HSPB9: variants seen among roughly 807,000 people sequenced by gnomAD.
The protein encoded by HSPB9 is heat shock protein family B (small) member 9.
For synonymous variants in HSPB9, 98 were observed against 92.7 expected, an observed-to-expected ratio of 1.06 and a Z score of -0.33; for missense variants, 203 against 213.4, an observed-to-expected ratio of 0.95 and a Z score of 0.30.
Position 42,122,890 on chromosome 17 carries a change from G to C in HSPB9, c.40G>C (p.Val14Leu), listed in dbSNP as rs1286159400. 6.2e-7 allele frequency: 1 copy of C among 1,612,986 alleles called. No individual in the cohort carries two copies. The highest frequency in any genetic ancestry group is 8.5e-7 in the Non-Finnish European group (1 of 1,179,398). ...TAACACCTTCTCCAACGAGAGCCGG[G>C]TGGCATCCCGGTGTCCCAGCGTGGG... is the stretch of plus-strand genomic sequence containing the variant. ...VGNTFSNESR[V>L]ASRCPSVGLA... Residue 14 changes from valine (V) to leucine (L), a missense_variant, in exon 1 of 1, where the codon GTG becomes CTG. By Grantham distance (32) the Val-to-Leu change is conservative. Coordinates refer to ENST00000565659, the MANE Select transcript of HSPB9 (RefSeq NM_033194.3).
chr17:42,123,123 A>G lies in HSPB9; in HGVS notation c.273A>G (p.Glu91=). Residue 91 remains glutamate (E), a synonymous_variant, in exon 1 of 1, where the codon GAA becomes GAG. Transcript: ENST00000565659. The part of the protein sequence containing the change: ...GQQQLDVRDP[E]RVSYRMSQKV... ...AGCAACTGGACGTCAGGGACCCGGA[A>G]AGGGTCAGTTACCGCATGTCACAGA... 6.2e-7 allele frequency: 1 copy of G among 1,614,158 alleles called. No individual in the cohort carries two copies. The highest frequency in any genetic ancestry group is 8.5e-7 in the Non-Finnish European group (1 of 1,180,014).
rs374237777 is a variant in HSPB9 at position 42,123,347 on chromosome 17, G to C, written c.*17G>C. ...ACCCGGTAAACAAACGACGCGATGT[G>C]CAGCAGCCTTGGTGTCCGTTGTCTT... On this transcript the variant is annotated 3_prime_UTR_variant, in exon 1 of 1. Transcript: ENST00000565659. The C allele has an allele frequency of 2.4e-5, 39 of 1,593,562 alleles. No individual in the cohort carries two copies. The African/African-American group carries it at 4.8e-4, about 20-fold the overall frequency.
chr17:42,122,901 G>C lies in HSPB9; in HGVS notation c.51G>C (p.Arg17=). Residue 17 remains arginine, a synonymous_variant, in exon 1 of 1, where the codon CGG becomes CGC. Coordinates refer to ENST00000565659, the MANE Select transcript of HSPB9 (RefSeq NM_033194.3). ...TFSNESRVAS[R]CPSVGLAERN... is the part of the protein sequence containing the mutation. Reference sequence around the variant, plus strand: ...CCAACGAGAGCCGGGTGGCATCCCGGTGTCCCAGCGTGGGCCTTGCTGAAC... The same window carrying C: ...CCAACGAGAGCCGGGTGGCATCCCGCTGTCCCAGCGTGGGCCTTGCTGAAC... 1.2e-6 allele frequency: 2 copies of C among 1,613,534 alleles called. No individual in the cohort carries two copies. Among genetic ancestry groups the C allele is most frequent in the Non-Finnish European group, 1.7e-6 (2 of 1,179,672 alleles).
Position 42,123,158 on chromosome 17 carries a change from G to A in HSPB9, c.308G>A (p.Arg103Gln), listed in dbSNP as rs1568015441. The A allele has an allele frequency of 1.2e-6, 2 of 1,614,150 alleles. No individual in the cohort carries two copies. The highest frequency in any genetic ancestry group is 1.7e-5 in the Admixed American group (1 of 60,022). Residue 103 changes from arginine to glutamine, a missense_variant, in exon 1 of 1, where the codon CGG (arginine) becomes CAG (glutamine). By Grantham distance (43) the Arg-to-Gln change is conservative. Coordinates refer to ENST00000565659, the MANE Select transcript of HSPB9 (RefSeq NM_033194.3). ...VSYRMSQKVHRKMLPSNLSPT... is the reference protein window; with the variant it reads ...VSYRMSQKVHQKMLPSNLSPT... ...TACCGCATGTCACAGAAGGTGCACC[G>A]GAAAATGCTCCCGTCCAACCTGAGT...
At position 42,123,302 on chromosome 17, in the gene HSPB9, G is replaced by T; in HGVS notation, c.452G>T (p.Gly151Val). 1.2e-6 allele frequency: 2 copies of T among 1,608,636 alleles called. No homozygotes were observed. Among genetic ancestry groups the T allele is most frequent in the Non-Finnish European group, 1.7e-6 (2 of 1,179,080 alleles). The change falls in exon 1 of 1, where the codon GGC becomes GTC. Residue 151 changes from glycine (G) to valine (V), a missense_variant. Transcript: ENST00000565659. ...CCGTCCCCGAGACTCGGGAGCCTCG[G>T]CTCTAAGGCTTCCAACCTGACCCGG... ...TGPSPRLGSLGSKASNLTR is the reference protein window; with the variant it reads ...TGPSPRLGSLVSKASNLTR
Position 42,122,909 on chromosome 17 carries a change from G to A in HSPB9, c.59G>A (p.Ser20Asn). The A allele has an allele frequency of 6.2e-7, 1 of 1,614,008 alleles. No individual in the cohort carries two copies. The highest frequency in any genetic ancestry group is 2.2e-5 in the East Asian group (1 of 44,892). The change falls in exon 1 of 1, where the codon AGC (serine) becomes AAC (asparagine). Residue 20 changes from serine (S) to asparagine (N), a missense_variant. Ser to Asn is a conservative substitution (Grantham distance 46). Transcript: ENST00000565659. ...AGCCGGGTGGCATCCCGGTGTCCCA[G>A]CGTGGGCCTTGCTGAACGGAACCGG... ...NESRVASRCPSVGLAERNRVA... is the reference protein window; with the variant it reads ...NESRVASRCPNVGLAERNRVA...
In HSPB9 at chr17:42,122,983, G is replaced by A. The variant is rs1043362730; in HGVS notation, c.133G>A (p.Glu45Lys). Residue 45 changes from glutamate to lysine, a missense_variant, in exon 1 of 1, where the codon GAG becomes AAG. Transcript: ENST00000565659. ...RLLRDSPAAQ[E>K]DNDHARDGFQ... ...GCTCAGGGACAGTCCAGCGGCTCAGGAGGACAATGACCATGCCAGAGACGG... is the reference window on the plus strand; with the variant it reads ...GCTCAGGGACAGTCCAGCGGCTCAGAAGGACAATGACCATGCCAGAGACGG... 1.4e-5 allele frequency: 22 copies of A among 1,614,172 alleles called. No homozygotes were observed. The highest frequency in any genetic ancestry group is 3.3e-4 in the Middle Eastern group (2 of 6,062).
rs368597255 is a variant in HSPB9, at chr17:42,123,083, T to C, written c.233T>C (p.Met78Thr). 1.7e-5 allele frequency: 28 copies of C among 1,614,050 alleles called. No homozygotes were observed. Among genetic ancestry groups the C allele is most frequent in the Middle Eastern group, 1.6e-4 (1 of 6,084 alleles). Residue 78 changes from methionine (M) to threonine (T), a missense_variant, in exon 1 of 1, where the codon ATG becomes ACG. By Grantham distance (81) the Met-to-Thr change is moderately conservative. Transcript: ENST00000565659. ...LVVQVDGQWL[M>T]VTGQQQLDVR... ...GTGCAGGTGGATGGCCAATGGCTGA[T>C]GGTGACCGGACAGCAGCAACTGGAC...
Position 42,122,953 on chromosome 17 carries a change from C to A in HSPB9, c.103C>A (p.Arg35=). 2 of 1,614,002 alleles carry A rather than the reference C, an allele frequency of 1.2e-6. No individual in the cohort carries two copies. The highest frequency in any genetic ancestry group is 3.3e-4 in the Middle Eastern group (2 of 6,060). The part of the protein sequence containing the change: ...ERNRVATMPV[R]LLRDSPAAQE... ...GAACCGGGTGGCCACAATGCCGGTG[C>A]GGCTGCTCAGGGACAGTCCAGCGGC... is the stretch of plus-strand genomic sequence containing the variant. The change falls in exon 1 of 1, where the codon CGG becomes AGG. Residue 35 remains arginine (R), a synonymous_variant. Transcript: ENST00000565659.
In HSPB9 at chr17:42,123,213, C is replaced by T. The variant is rs138402411; in HGVS notation, c.363C>T (p.Pro121=). 3.1e-6 allele frequency: 5 copies of T among 1,613,858 alleles called. No homozygotes were observed. The highest frequency in any genetic ancestry group is 4.2e-6 in the Non-Finnish European group (5 of 1,180,042). The stretch of plus-strand genomic sequence containing the variant: ...CCGCCATGACCTGCTGCCTGACCCC[C>T]TCCGGGCAGCTGTGGGTCAGAGGCC... The part of the protein sequence containing the change: ...SPTAMTCCLT[P]SGQLWVRGQC... Residue 121 remains proline, a synonymous_variant, in exon 1 of 1, where the codon CCC becomes CCT. Coordinates refer to ENST00000565659, the MANE Select transcript of HSPB9 (RefSeq NM_033194.3).
At position 42,123,200 on chromosome 17, in the gene HSPB9, G is replaced by T; in HGVS notation, c.350G>T (p.Cys117Phe). 1 of 1,614,038 alleles carries T rather than the reference G, an allele frequency of 6.2e-7. No homozygotes were observed. The highest frequency in any genetic ancestry group is 8.5e-7 in the Non-Finnish European group (1 of 1,180,024). The part of the protein sequence containing the change: ...PSNLSPTAMT[C>F]CLTPSGQLWV... The stretch of plus-strand genomic sequence containing the variant: ...AACCTGAGTCCTACCGCCATGACCT[G>T]CTGCCTGACCCCCTCCGGGCAGCTG... The change falls in exon 1 of 1, where the codon TGC (cysteine) becomes TTC (phenylalanine). Residue 117 changes from cysteine (C) to phenylalanine (F), a missense_variant. Cys to Phe is a radical substitution (Grantham distance 205). Coordinates refer to ENST00000565659, the MANE Select transcript of HSPB9 (RefSeq NM_033194.3).
Position 42,123,072 on chromosome 17 carries a change from C to T in HSPB9, c.222C>T (p.Gly74=), listed in dbSNP as rs1255138049. Residue 74 remains glycine (G), a synonymous_variant, in exon 1 of 1, where the codon GGC becomes GGT. Transcript: ENST00000565659. ...APEELVVQVD[G]QWLMVTGQQQ... ...AGGAACTGGTGGTGCAGGTGGATGG[C>T]CAATGGCTGATGGTGACCGGACAGC... 2 of 1,614,216 alleles carry T rather than the reference C, an allele frequency of 1.2e-6. No individual in the cohort carries two copies. Among genetic ancestry groups the T allele is most frequent in the South Asian group, 1.1e-5 (1 of 91,090 alleles).
rs1555667922 is a variant in HSPB9, at chr17:42,123,060, G to T, written c.210G>T (p.Val70=). Residue 70 remains valine, a synonymous_variant, in exon 1 of 1, where the codon GTG becomes GTT. Transcript: ENST00000565659. The part of the protein sequence containing the change: ...AHGFAPEELV[V]QVDGQWLMVT... ...GCTTCGCCCCGGAGGAACTGGTGGTGCAGGTGGATGGCCAATGGCTGATGG... is the reference window on the plus strand; with the variant it reads ...GCTTCGCCCCGGAGGAACTGGTGGTTCAGGTGGATGGCCAATGGCTGATGG... 6.2e-7 allele frequency: 1 copy of T among 1,614,246 alleles called. No homozygotes were observed. The highest frequency in any genetic ancestry group is 8.5e-7 in the Non-Finnish European group (1 of 1,180,032).
chr17:42,123,082 A>G lies in HSPB9; in HGVS notation c.232A>G (p.Met78Val), dbSNP rs1555667934. ...LVVQVDGQWLMVTGQQQLDVR... is the reference protein window; with the variant it reads ...LVVQVDGQWLVVTGQQQLDVR... Reference sequence around the variant, plus strand: ...GGTGCAGGTGGATGGCCAATGGCTGATGGTGACCGGACAGCAGCAACTGGA... The same window carrying G: ...GGTGCAGGTGGATGGCCAATGGCTGGTGGTGACCGGACAGCAGCAACTGGA... The change falls in exon 1 of 1, where the codon ATG becomes GTG. Residue 78 changes from methionine to valine, a missense_variant. Transcript: ENST00000565659. The G allele has an allele frequency of 1.2e-6, 2 of 1,614,180 alleles. No homozygotes were observed. Among genetic ancestry groups the G allele is most frequent in the Non-Finnish European group, 1.7e-6 (2 of 1,180,002 alleles).
chr17:42,123,293 G>C lies in HSPB9; in HGVS notation c.443G>C (p.Gly148Ala), dbSNP rs1488822073. 2 of 1,610,098 alleles carry C rather than the reference G, an allele frequency of 1.2e-6. No homozygotes were observed. The highest frequency in any genetic ancestry group is 1.7e-6 in the Non-Finnish European group (2 of 1,179,642). ...CAAACAGGACCGTCCCCGAGACTCG[G>C]GAGCCTCGGCTCTAAGGCTTCCAAC... ...EAQTGPSPRLGSLGSKASNLT... is the reference protein window; with the variant it reads ...EAQTGPSPRLASLGSKASNLT... The change falls in exon 1 of 1, where the codon GGG becomes GCG. Residue 148 changes from glycine to alanine, a missense_variant. Transcript: ENST00000565659.
Position 42,122,916 on chromosome 17 carries a change from C to G in HSPB9, c.66C>G (p.Gly22=), listed in dbSNP as rs782473015. Residue 22 remains glycine (G), a synonymous_variant, in exon 1 of 1, where the codon GGC becomes GGG. Transcript: ENST00000565659. ...SRVASRCPSV[G]LAERNRVATM... is the part of the protein sequence containing the mutation. ...TGGCATCCCGGTGTCCCAGCGTGGG[C>G]CTTGCTGAACGGAACCGGGTGGCCA... The G allele has an allele frequency of 2.5e-6, 4 of 1,614,018 alleles. No individual in the cohort carries two copies.
In HSPB9 at chr17:42,122,978, C is replaced by T. The variant is rs140545878; in HGVS notation, c.128C>T (p.Ala43Val). ...PVRLLRDSPA[A>V]QEDNDHARDG... is the part of the protein sequence containing the mutation. ...CGGCTGCTCAGGGACAGTCCAGCGG[C>T]TCAGGAGGACAATGACCATGCCAGA... The change falls in exon 1 of 1, where the codon GCT becomes GTT. Residue 43 changes from alanine to valine, a missense_variant. Physicochemically the swap from Ala to Val is moderately conservative, Grantham distance 64. Coordinates refer to ENST00000565659, the MANE Select transcript of HSPB9 (RefSeq NM_033194.3). 5.0e-6 allele frequency: 8 copies of T among 1,614,028 alleles called. No homozygotes were observed. In the African/African-American group the frequency reaches 9.3e-5, roughly 19 times the overall value.
rs781952735 is a variant in HSPB9 at position 42,122,867 on chromosome 17, A to C, written c.17A>C (p.Asn6Thr). MQRVG[N>T]TFSNESRVAS... ...CTGACTCGGATGCAGAGAGTCGGTAACACCTTCTCCAACGAGAGCCGGGTG... is the reference window on the plus strand; with the variant it reads ...CTGACTCGGATGCAGAGAGTCGGTACCACCTTCTCCAACGAGAGCCGGGTG... Residue 6 changes from asparagine to threonine, a missense_variant, in exon 1 of 1, where the codon AAC becomes ACC. Transcript: ENST00000565659. 8 of 1,610,898 alleles carry C rather than the reference A, an allele frequency of 5.0e-6. No individual in the cohort carries two copies. The Admixed American group carries it at 1.3e-4, about 27-fold the overall frequency.
rs782552294 is a variant in HSPB9 at position 42,122,831 on chromosome 17, G to A, written c.-20G>A. ...GCTGGGAGCCTCGCGCCCTTTGACA[G>A]CAGTTAGTTGCTGACTCGGATGCAG... is the stretch of plus-strand genomic sequence containing the variant. On this transcript the variant is annotated 5_prime_UTR_variant, in exon 1 of 1. Coordinates refer to ENST00000565659, the MANE Select transcript of HSPB9 (RefSeq NM_033194.3). The A allele has an allele frequency of 8.1e-6, 13 of 1,596,262 alleles. No individual in the cohort carries two copies. Among genetic ancestry groups the A allele is most frequent in the South Asian group, 1.1e-5 (1 of 89,544 alleles).
Sources: allele counts gnomAD v4.1 joint callset, GRCh38; gene constraint gnomAD v4.1.1; transcripts MANE v1.5; gene names NCBI Gene and HGNC (gene_info 2026-07-23, HGNC 2026-07-21).